The following CHD7 variants were observed in gnomAD, a reference collection of about 807,000 sequenced individuals.
CHD7 encodes the protein chromodomain helicase DNA binding protein 7, also known as ATP-dependent chromatin remodeler CHD7.
A neutral mutation model predicts 307.3 loss-of-function variants in CHD7; 24 were observed. The ratio of observed to expected loss-of-function variants is 0.08; its 90% CI spans 0.06 to 0.11. The LOEUF (loss-of-function observed/expected upper bound fraction) is 0.11. CHD7 is among the 10% of genes least tolerant of loss of function. The pLI is 1.00. For synonymous variants in CHD7, 1,363 were observed against 1,349.9 expected (o/e 1.01, Z -0.21); for missense variants, 3,106 against 3,727.1 (o/e 0.83, Z 4.34).
intron 6 of CHD7, among the ~76,000 whole-genome samples, chr8:60,806,140 A>T (rs1169128183): frequency 6.6e-6 from 1 of 152,188 alleles, no homozygotes; most frequent in Non-Finnish European, 1.5e-5. Flanking sequence ...AGGTGGGCAG[A>T]TGATGAGGTC....
intron 1 of CHD7, among the ~76,000 whole-genome samples, chr8:60,722,975 ACT>A (rs1182823012): frequency 1.3e-5 from 2 of 151,732 alleles, no homozygotes; most frequent in Non-Finnish European, 2.9e-5. Flanking sequence ...AGTTCATTAA[ACT>A]CTATTGGTCT....
chr8:60,751,758 A>G (rs1159251554), intron 2 of CHD7, among the ~76,000 whole-genome samples: 1 of 152,222 alleles, frequency 6.6e-6, no homozygotes, highest in East Asian at 1.9e-4. Flanking sequence ...GGGCTAGGAC[A>G]TGACTGCAGG....
At chr8:60,816,113 G>GTCTGTCTGTCTCTCTC (rs58405811) in intron 7 of CHD7, among the ~76,000 whole-genome samples, 83 of 139,306 alleles carry the variant, frequency 6.0e-4, no homozygotes, top group African/African-American at 2.1e-3. Context: ...CTGTCTGTCT[G>GTCTGTCTGTCTCTCTC]TCTCTCTCTC....
chr8:60,802,726 CAGTG>C (rs529951189), intron 6 of CHD7, among the ~76,000 whole-genome samples: 4 of 152,080 alleles, frequency 2.6e-5, no homozygotes, highest in Non-Finnish European at 5.9e-5. Flanking sequence ...TTACAGGACT[CAGTG>C]AGAGTCCTAT....
intron 4 of CHD7, among the ~76,000 whole-genome samples, chr8:60,799,407 T>C (rs552305189): frequency 6.6e-6 from 1 of 152,332 alleles, no homozygotes; most frequent in African/African-American, 2.4e-5. Flanking sequence ...ATACTGGCTA[T>C]TACCAATCTT....
chr8:60,832,838 G>A (rs1804580688), intron 15 of CHD7, among the ~76,000 whole-genome samples: 1 of 152,162 alleles, frequency 6.6e-6, no homozygotes, highest in Non-Finnish European at 1.5e-5. Context: ...TAGCATATTT[G>A]TTCGCGAGGA....
intron 2 of CHD7, among the ~76,000 whole-genome samples, chr8:60,753,688 G>A (rs75639983): frequency 0.01 from 1,575 of 151,418 alleles, 10 homozygotes; most frequent in Non-Finnish European, 0.017. Flanking sequence ...GCAGTGGTGC[G>A]ATCTTGGCTC....
chr8:60,818,189 T>C (rs1389649423), intron 8 of CHD7, among the ~76,000 whole-genome samples: 1 of 152,230 alleles, frequency 6.6e-6, no homozygotes, highest in Non-Finnish European at 1.5e-5. Flanking sequence ...AGGTGTTCCA[T>C]GGCTGTACTG....
At chr8:60,799,721 GAGAGAGTAGTAT>G (rs1812203676) in intron 4 of CHD7, among the ~76,000 whole-genome samples, 1 of 152,164 alleles carries the variant, frequency 6.6e-6, no homozygotes, top group Non-Finnish European at 1.5e-5. Context: ...TACAAAGGTA[GAGAGAGTAGTAT>G]AATGAACCCC....
chr8:60,822,910 A>G (rs1020081438), intron 12 of CHD7, among the ~76,000 whole-genome samples, 164 bp downstream of exon 12: 1 of 152,222 alleles, frequency 6.6e-6, no homozygotes, highest in African/African-American at 2.4e-5. Context: ...TTCTGTGTCT[A>G]TGAAAACAGC....
intron 4 of CHD7, among the ~76,000 whole-genome samples, chr8:60,796,845 A>G (rs562517284): frequency 1.3e-5 from 2 of 152,220 alleles, no homozygotes; most frequent in African/African-American, 4.8e-5. Context: ...TAACACATGC[A>G]TGAAGGGCTT....
chr8:60,678,750 T>C lies in CHD7; in HGVS notation c.-507T>C, dbSNP rs1013748176. 39 of 131,872 alleles carry C rather than the reference T, an allele frequency of 3.0e-4. No individual in the cohort carries two copies. Among genetic ancestry groups the C allele is most frequent in the African/African-American group, 1.0e-3 (36 of 35,262 alleles). 8.2% of individuals were successfully genotyped at this position (131,872 alleles called of 1,614,324 possible). A position where few individuals can be genotyped will look rare whatever the true frequency, so the allele number is the denominator to read the frequency against. On this transcript the variant is annotated 5_prime_UTR_variant, in exon 1 of 38. Transcript: ENST00000423902. ...CGGCGTGCCGGACGCGCGCAGGCGCTGGCGTGCTGGGGCCGCGGCGGCGGC... is the reference window on the plus strand; with the variant it reads ...CGGCGTGCCGGACGCGCGCAGGCGCCGGCGTGCTGGGGCCGCGGCGGCGGC...
rs781349636 is a variant in CHD7 at position 60,856,855 on chromosome 8, T to C, written c.7575T>C (p.Leu2525=). 2.3e-5 allele frequency: 36 copies of C among 1,568,610 alleles called. No homozygotes were observed. Among genetic ancestry groups the C allele is most frequent in the Non-Finnish European group, 2.9e-5 (34 of 1,159,272 alleles). Residue 2525 remains leucine, a synonymous_variant, in exon 34 of 38, where the codon CTT becomes CTC. Coordinates refer to ENST00000423902, the MANE Select transcript of CHD7 (RefSeq NM_017780.4). ...RRKNVEGLDL[L]FMSHKRTSLS... ...AAAATGTGGAGGGACTTGATCTGCT[T>C]TTCATGAGCCACAAACGGACGTCAT...
At chr8:60,846,549 C>G (rs909222212) in intron 23 of CHD7, among the ~76,000 whole-genome samples, 7 of 152,178 alleles carry the variant, frequency 4.6e-5, no homozygotes, top group African/African-American at 1.7e-4. Context: ...TTCGTGTGAC[C>G]TTGAGCAAGT....
chr8:60,772,723 A>G (rs1224355171), intron 2 of CHD7, among the ~76,000 whole-genome samples: 1 of 152,238 alleles, frequency 6.6e-6, no homozygotes, highest in Non-Finnish European at 1.5e-5. Flanking sequence ...GAAGGGCAAT[A>G]TGCAAGGTGA....
Position 60,741,318 on chromosome 8 carries a change from A to G in CHD7, c.-115A>G. The G allele has an allele frequency of 2.7e-6, 2 of 752,422 alleles. No individual in the cohort carries two copies. The highest frequency in any genetic ancestry group is 4.3e-6 in the Non-Finnish European group (2 of 461,304). The allele number at this position is 752,422 out of a possible 1,614,324, so 46.6% of individuals were successfully genotyped here. On this transcript the variant is annotated 5_prime_UTR_variant, in exon 2 of 38. An upstream start codon of the reference 5' UTR is lost. Transcript: ENST00000423902. ...TCCAAGAGAATTAAAGAAATATGGA[A>G]TGACATGAAGAAGATTAGTTAAGGA...
At chr8:60,723,529 C>T (rs186959658) in intron 1 of CHD7, among the ~76,000 whole-genome samples, 29 of 152,260 alleles carry the variant, frequency 1.9e-4, no homozygotes, top group Middle Eastern at 6.8e-3. Flanking sequence ...TCTGTATAGA[C>T]GGGCTACTCA....
In CHD7 at chr8:60,830,435, C is replaced by T; in HGVS notation, c.3636C>T (p.Asn1212=). The T allele has an allele frequency of 6.2e-7, 1 of 1,613,964 alleles. No individual in the cohort carries two copies. Reference sequence around the variant, plus strand: ...CTATTATTGAAGTTGAGCTAACAAACATTCAGAAGAAATATTACCGAGCCA... The same window carrying T: ...CTATTATTGAAGTTGAGCTAACAAATATTCAGAAGAAATATTACCGAGCCA... The part of the protein sequence containing the change: ...EETIIEVELT[N]IQKKYYRAIL... Residue 1212 remains asparagine (N), a synonymous_variant, in exon 15 of 38, where the codon AAC becomes AAT. Transcript: ENST00000423902.
intron 23 of CHD7, among the ~76,000 whole-genome samples, chr8:60,847,161 G>A (rs936454820): frequency 6.6e-6 from 1 of 152,192 alleles, no homozygotes; most frequent in Non-Finnish European, 1.5e-5. Context: ...CTCACACTTG[G>A]CCTATCCAGA....
Sources: allele counts gnomAD v4.1 joint callset (sites outside exome capture counted in the v4.1 genomes callset), GRCh38; gene constraint gnomAD v4.1.1; transcripts MANE v1.5; gene names NCBI Gene and HGNC (gene_info 2026-07-23, HGNC 2026-07-21).